DPP10: variants seen among roughly 807,000 people sequenced by gnomAD.
The protein encoded by DPP10 is inactive dipeptidyl peptidase 10.
Under a neutral mutation model 120.9 loss-of-function variants are expected in DPP10, and 33 were observed. The observed-to-expected ratio is 0.27, with a 90% CI of 0.21 to 0.37. The LOEUF (loss-of-function observed/expected upper bound fraction) is 0.37, where lower values mean the gene tolerates loss of function less well. Ranked by LOEUF, DPP10 falls within the 10% of genes least tolerant of loss-of-function variation. The pLI, the probability that DPP10 is intolerant of heterozygous loss-of-function variation, is 1.00. For missense variants in DPP10, 816 were observed against 942.8 expected, an observed-to-expected ratio of 0.87 and a Z score of 1.76; for synonymous variants, 337 against 326.1, an observed-to-expected ratio of 1.03 and a Z score of -0.36.
intron 1 of DPP10, among the ~76,000 whole-genome samples, chr2:114,645,218 G>C (rs906466953): frequency 1.6e-4 from 24 of 152,146 alleles, no homozygotes; most frequent in African/African-American, 3.6e-4. Flanking sequence ...TGGCTAAAAG[G>C]CCTCTTAAAA....
intron 5 of DPP10, among the ~76,000 whole-genome samples, chr2:115,541,670 T>A (rs1447810595): frequency 1.3e-5 from 2 of 151,914 alleles, no homozygotes; most frequent in African/African-American, 2.4e-5. Flanking sequence ...ATGATCTTTT[T>A]ATGTTAAAAT....
chr2:115,385,365 T>C (rs2066853781), intron 3 of DPP10, among the ~76,000 whole-genome samples: 2 of 151,778 alleles, frequency 1.3e-5, no homozygotes, highest in African/African-American at 2.4e-5. Context: ...TTTTTTTTTT[T>C]TTAAATCAAG....
chr2:114,589,872 T>C (rs1351120276), intron 1 of DPP10, among the ~76,000 whole-genome samples: 1 of 152,072 alleles, frequency 6.6e-6, no homozygotes, highest in Non-Finnish European at 1.5e-5. Context: ...TAAATATTAA[T>C]AGTTGGAAAT....
chr2:115,570,133 A>G (rs2149086054), intron 5 of DPP10, among the ~76,000 whole-genome samples: 1 of 152,288 alleles, frequency 6.6e-6, no homozygotes, highest in East Asian at 1.9e-4. Flanking sequence ...CCTGCAGAGA[A>G]ATCAACACAA....
intron 1 of DPP10, among the ~76,000 whole-genome samples, chr2:115,031,238 T>C (rs1327048032): frequency 6.6e-6 from 1 of 152,138 alleles, no homozygotes; most frequent in Non-Finnish European, 1.5e-5. Context: ...GTCAATTCAA[T>C]GTATATTGAA....
At chr2:114,998,978 C>T (rs1464699189) in intron 1 of DPP10, among the ~76,000 whole-genome samples, 1 of 152,172 alleles carries the variant, frequency 6.6e-6, no homozygotes, top group African/African-American at 2.4e-5. Flanking sequence ...CCAAGATAAT[C>T]TCTCCATCTC....
chr2:115,212,715 T>A (rs2056596541), intron 1 of DPP10, among the ~76,000 whole-genome samples: 1 of 152,198 alleles, frequency 6.6e-6, no homozygotes, highest in African/African-American at 2.4e-5. Context: ...CACAAATAGA[T>A]AAAATATTAC....
In DPP10 at chr2:114,536,529, C is replaced by T. The variant is rs1273796602; in HGVS notation, c.60+93691C>T. ...CACACCATTCTCCTGCCTCAGCCTCCTGAGTAGCTGGGACTACAGGCGCCC... is the reference window on the plus strand; with the variant it reads ...CACACCATTCTCCTGCCTCAGCCTCTTGAGTAGCTGGGACTACAGGCGCCC... On this transcript the variant is annotated intron_variant, in intron 1 of 25. Transcript: ENST00000410059. Among the ~76,000 whole-genome samples the T allele has an allele frequency of 3.9e-5, 6 of 151,930 alleles. No individual in the cohort carries two copies. In the East Asian group the frequency reaches 1.2e-3, roughly 30 times the overall value.
At chr2:114,833,765 G>A (rs189400046) in intron 1 of DPP10, 28 of 152,268 alleles carry the variant, frequency 1.8e-4, no homozygotes, top group African/African-American at 6.7e-4. Flanking sequence ...AACACGTTTA[G>A]CCCAAAGCCT....
chr2:115,170,074 A>G (rs2105050126), intron 1 of DPP10, among the ~76,000 whole-genome samples: 1 of 152,322 alleles, frequency 6.6e-6, no homozygotes, highest in African/African-American at 2.4e-5. Context: ...CAGAGAGACC[A>G]CTTGAAGTTG....
intron 1 of DPP10, among the ~76,000 whole-genome samples, chr2:115,066,004 C>T (rs1295411504): frequency 6.6e-6 from 1 of 152,120 alleles, no homozygotes; most frequent in African/African-American, 2.4e-5. Context: ...TCAGAGCAAT[C>T]CTTAATTAAA....
chr2:115,506,994 A>G (rs975457472), intron 4 of DPP10, among the ~76,000 whole-genome samples: 8 of 151,606 alleles, frequency 5.3e-5, no homozygotes, highest in Non-Finnish European at 1.0e-4. Context: ...CTCGTGAACA[A>G]AGGATAACAA....
intron 1 of DPP10, among the ~76,000 whole-genome samples, chr2:114,469,006 G>C (rs1679670645): frequency 6.6e-6 from 1 of 152,192 alleles, no homozygotes; most frequent in Non-Finnish European, 1.5e-5. Flanking sequence ...TGCAGAAGTT[G>C]ACAGAGATAG....
At chr2:115,401,733 A>G (rs2068087436) in intron 3 of DPP10, among the ~76,000 whole-genome samples, 1 of 152,170 alleles carries the variant, frequency 6.6e-6, no homozygotes, top group South Asian at 2.1e-4. Context: ...ACACAGAAAT[A>G]TAAACTGCAT....
chr2:115,321,639 C>G (rs1342926001), intron 2 of DPP10, among the ~76,000 whole-genome samples: 1 of 150,612 alleles, frequency 6.6e-6, no homozygotes, highest in African/African-American at 2.5e-5. Flanking sequence ...CCTCTCTCTC[C>G]TCTTGTGATT....
chr2:114,820,376 CT>C (rs1302685325), intron 1 of DPP10, among the ~76,000 whole-genome samples: 10 of 152,160 alleles, frequency 6.6e-5, no homozygotes, highest in Non-Finnish European at 1.3e-4. Flanking sequence ...ATTATTACCC[CT>C]GTACTATGTG....
intron 8 of DPP10, among the ~76,000 whole-genome samples, chr2:115,738,288 G>A (rs547013116): frequency 1.8e-4 from 27 of 152,088 alleles, no homozygotes; most frequent in Admixed American, 3.3e-4. Context: ...AGATACCATC[G>A]TGACCTTTGG....
At position 115,655,330 on chromosome 2, in the gene DPP10, T is replaced by C. The variant is rs1242968972; in HGVS notation, c.442-34357T>C. 2.6e-5 allele frequency among the ~76,000 whole-genome samples: 4 copies of C among 151,730 alleles called. No homozygotes were observed. In the South Asian group the frequency reaches 8.3e-4, roughly 31 times the overall value. ...ATCATAGTATTCTAATAATATGTAT[T>C]GCTTTGATGCTGTATGTCTAAAAGC... On this transcript the variant is annotated intron_variant, in intron 5 of 25. Transcript: ENST00000410059.
chr2:115,207,177 A>G (rs780548615), intron 1 of DPP10, among the ~76,000 whole-genome samples: 2 of 152,200 alleles, frequency 1.3e-5, no homozygotes, highest in Non-Finnish European at 2.9e-5. Flanking sequence ...GATTTTGCAG[A>G]TCGGCAAACA....
Sources: gnomAD v4.1 joint callset for allele counts (sites outside exome capture counted in the v4.1 genomes callset) on GRCh38, gnomAD v4.1.1 for gene constraint, MANE v1.5 for transcripts, NCBI Gene and HGNC (gene_info 2026-07-23, HGNC 2026-07-21) for gene names.